CD3D: variants seen among roughly 807,000 people sequenced by gnomAD.
The protein encoded by CD3D is T-cell surface glycoprotein CD3 delta chain.
In CD3D, 22 loss-of-function variants were observed where a neutral mutation model predicts 22.0. That is an observed-to-expected ratio of 1.00 (90% confidence interval 0.71 to 1.43). The LOEUF is 1.43. CD3D is among the 40% of genes most tolerant of loss of function. CD3D has a pLI of 0.00. For synonymous variants in CD3D, 74 were observed against 81.2 expected, an observed-to-expected ratio of 0.91 and a Z score of 0.48; for missense variants, 205 against 211.7, an observed-to-expected ratio of 0.97 and a Z score of 0.20.
chr11:118,340,614 C>T, intron 1 of CD3D, 21 bp from the exon 2 acceptor site: 1 of 1,519,184 alleles, frequency 6.6e-7, no homozygotes, highest in Non-Finnish European at 9.1e-7. Context: ...AAAAATATCA[C>T]AGTTGGAGAC....
At chr11:118,339,248 A>G in intron 4 of CD3D, 21 bp from the exon 5 acceptor site, 1 of 1,608,670 alleles carries the variant, frequency 6.2e-7, no homozygotes, top group Non-Finnish European at 8.5e-7. Context: ...AGAAGAGAAA[A>G]CGGTCAGGAG....
At chr11:118,342,082 A>G (rs1948304209) in intron 1 of CD3D, among the ~76,000 whole-genome samples, 1 of 152,178 alleles carries the variant, frequency 6.6e-6, no homozygotes, top group Non-Finnish European at 1.5e-5. Flanking sequence ...GTCAAAGCCA[A>G]GAGCCTGTTT....
At chr11:118,340,905 T>C in intron 1 of CD3D, 1 of 580,064 alleles carries the variant, frequency 1.7e-6, no homozygotes, top group African/African-American at 1.8e-5. Context: ...TGATGAGGAG[T>C]AGGGGGAGCA....
chr11:118,339,039 C>G, downstream of CD3D: 1 of 875,408 alleles, frequency 1.1e-6, no homozygotes, highest in Middle Eastern at 2.2e-4. Flanking sequence ...AACTCCCACG[C>G]CTTGCCCAGG....
rs2276423 is a variant in CD3D, at chr11:118,339,391, G to C, written c.450+60C>G. The C allele has an allele frequency of 0.73, 1,159,253 of 1,585,296 alleles. 426,056 individuals are homozygous for C. The highest frequency in any genetic ancestry group is 0.76 in the East Asian group (33,964 of 44,686). ...CCCACGTGCAAACAGCATTCAGTGT[G>C]AGCCTCTCTATCCCCACTTACCCTC... On this transcript the variant is annotated intron_variant, in intron 4 of 4. Transcript: ENST00000300692.
In CD3D at chr11:118,339,089, T is replaced by G; in HGVS notation, c.*73A>C. 1 of 1,279,484 alleles carries G rather than the reference T, an allele frequency of 7.8e-7. No individual in the cohort carries two copies. Among genetic ancestry groups the G allele is most frequent in the Non-Finnish European group, 1.1e-6 (1 of 874,882 alleles). 79.3% of individuals were successfully genotyped at this position (1,279,484 alleles called of 1,614,324 possible). A position where few individuals can be genotyped will look rare whatever the true frequency, so the allele number is the denominator to read the frequency against. Reference sequence around the variant, plus strand: ...CAGGCACCTGCTGAGTGAAAGAGGATATATTTATTGGCTGAGCAAGAAGGG... The same window carrying G: ...CAGGCACCTGCTGAGTGAAAGAGGAGATATTTATTGGCTGAGCAAGAAGGG... On this transcript the variant is annotated 3_prime_UTR_variant, in exon 5 of 5. Transcript: ENST00000300692.
chr11:118,339,974 C>T, intron 2 of CD3D, 68 bp from the exon 3 acceptor site: 1 of 1,590,524 alleles, frequency 6.3e-7, no homozygotes, highest in South Asian at 1.1e-5. Context: ...CCTCTGCCTC[C>T]TAGGGCAACC....
intron 1 of CD3D, 76 bp downstream of exon 1, chr11:118,342,477 A>T: frequency 7.4e-7 from 1 of 1,354,582 alleles, no homozygotes; most frequent in Middle Eastern, 1.9e-4. Flanking sequence ...GGCAAGAAAC[A>T]CTTTCAAGTG....
Position 118,339,130 on chromosome 11 carries a change from A to G in CD3D, c.*32T>C. 1 of 1,580,486 alleles carries G rather than the reference A, an allele frequency of 6.3e-7. No homozygotes were observed. The highest frequency in any genetic ancestry group is 8.7e-7 in the Non-Finnish European group (1 of 1,149,350). ...GCAAGAAGGGAAGGTACAGTTGGTA[A>G]TGGCTGCTTCTAGAAGCCACCAGTC... is the stretch of plus-strand genomic sequence containing the variant. On this transcript the variant is annotated 3_prime_UTR_variant, in exon 5 of 5. Transcript: ENST00000300692.
At chr11:118,339,677 C>T in intron 3 of CD3D, 98 bp downstream of exon 3, 1 of 1,577,704 alleles carries the variant, frequency 6.3e-7, no homozygotes, top group Non-Finnish European at 8.6e-7. Context: ...TACCACCAGC[C>T]CCATTCCTTA....
chr11:118,339,933 A>G, intron 2 of CD3D, 27 bp from the exon 3 acceptor site: 1 of 1,613,692 alleles, frequency 6.2e-7, no homozygotes, highest in East Asian at 2.2e-5. Flanking sequence ...GAGAGAGGAG[A>G]GGTTGAGAGC....
chr11:118,341,573 G>A (rs1948300334), intron 1 of CD3D, among the ~76,000 whole-genome samples: 2 of 152,158 alleles, frequency 1.3e-5, no homozygotes, highest in East Asian at 3.9e-4. Flanking sequence ...TATCCTCAGG[G>A]AGACACATGC....
downstream of CD3D, chr11:118,339,072 T>G (rs201900728): frequency 2.5e-6 from 3 of 1,199,558 alleles, no homozygotes; most frequent in African/African-American, 1.5e-5. Context: ...CCCAGGCACC[T>G]GCTGAGTGAA....
Position 118,340,416 on chromosome 11 carries a change from A to G in CD3D, c.233T>C (p.Ile78Thr), listed in dbSNP as rs528486045. 84 of 1,614,134 alleles carry G rather than the reference A, an allele frequency of 5.2e-5. No homozygotes were observed. In the South Asian group the frequency reaches 8.8e-4, roughly 17 times the overall value. ...CACGGTAGATTCTTTGTCCTTGTAT[A>G]TATCTGTCCCATTACACCTATATAT... ...RGIYRCNGTD[I>T]YKDKESTVQV... Residue 78 changes from isoleucine (I) to threonine (T), a missense_variant, in exon 2 of 5, where the codon ATA becomes ACA. Coordinates refer to ENST00000300692, the MANE Select transcript of CD3D (RefSeq NM_000732.6).
intron 1 of CD3D, among the ~76,000 whole-genome samples, chr11:118,341,835 C>CAA (rs1421609765): frequency 6.6e-6 from 1 of 152,216 alleles, no homozygotes; most frequent in Non-Finnish European, 1.5e-5. Flanking sequence ...GTTAACTTCT[C>CAA]TTAAAGCATT....
rs1353572157 is a variant in CD3D, at chr11:118,339,192, G to A, written c.486C>T (p.His162=). 2.5e-6 allele frequency: 4 copies of A among 1,613,964 alleles called. No homozygotes were observed. The highest frequency in any genetic ancestry group is 8.5e-7 in the Non-Finnish European group (1 of 1,180,008). The change falls in exon 5 of 5, where the codon CAC becomes CAT. Residue 162 remains histidine (H), a synonymous_variant. Transcript: ENST00000300692. ...TGTTCCGAGCCCAGTTTCCTCCAAG[G>A]TGGCTGTACTGAGCATCATCTCGAT... ...LRDRDDAQYS[H]LGGNWARNK is the part of the protein sequence containing the mutation.
Position 118,342,592 on chromosome 11 carries a change from A to AG in CD3D, c.15_16insC (p.Phe6LeufsTer25). On this transcript the variant is annotated frameshift_variant, in exon 1 of 5. Transcript: ENST00000300692. LOFTEE classifies it high-confidence loss of function. ...GTAGCCAGTACCAGGCCAGAGAGAA[A>AG]CGTGCTATGTTCCATCTCCCAGCGG... 6.2e-7 allele frequency: 1 copy of AG among 1,613,820 alleles called. No homozygotes were observed. Among genetic ancestry groups the AG allele is most frequent in the Non-Finnish European group, 8.5e-7 (1 of 1,179,768 alleles).
At chr11:118,341,890 CCAAA>C (rs1274510484) in intron 1 of CD3D, among the ~76,000 whole-genome samples, 1 of 152,148 alleles carries the variant, frequency 6.6e-6, no homozygotes, top group Non-Finnish European at 1.5e-5. Flanking sequence ...ATAATCATGG[CCAAA>C]CAAACAAGAG....
Position 118,342,701 on chromosome 11 carries a change from G to A in CD3D, c.-94C>T, listed in dbSNP as rs1948312240. On this transcript the variant is annotated 5_prime_UTR_variant, in exon 1 of 5. Transcript: ENST00000300692. ...TCCCCTAGCTGACTCACAGGTACCG[G>A]AAAGAGGAGAGTGGGGGAGGAACTA... The A allele has an allele frequency of 2.9e-6, 3 of 1,035,212 alleles. No homozygotes were observed. Among genetic ancestry groups the A allele is most frequent in the Non-Finnish European group, 4.5e-6 (3 of 659,930 alleles). 64.1% of individuals were successfully genotyped at this position (1,035,212 alleles called of 1,614,324 possible).
Sources: gnomAD v4.1 joint callset for allele counts (sites outside exome capture counted in the v4.1 genomes callset) on GRCh38, gnomAD v4.1.1 for gene constraint, MANE v1.5 for transcripts, NCBI Gene and HGNC (gene_info 2026-07-23, HGNC 2026-07-21) for gene names.